Variants in CCDC170 observed in about 807,000 individuals in gnomAD.
CCDC170 encodes coiled-coil domain-containing protein 170.
Under a neutral mutation model 72.6 loss-of-function variants are expected in CCDC170, and 69 were observed. The ratio of observed to expected loss-of-function variants is 0.95; its 90% CI spans 0.78 to 1.16. The LOEUF (loss-of-function observed/expected upper bound fraction) is 1.16. Ranked by LOEUF, CCDC170 falls within the 50% of genes most tolerant of loss-of-function variation. The pLI is 0.00. For synonymous variants in CCDC170, 300 were observed against 303.9 expected, an observed-to-expected ratio of 0.99 and a Z score of 0.13; for missense variants, 852 against 832.5, an observed-to-expected ratio of 1.02 and a Z score of -0.29.
At chr6:151,535,220 T>C (rs977850209) in intron 1 of CCDC170, among the ~76,000 whole-genome samples, 8 of 152,236 alleles carry the variant, frequency 5.3e-5, no homozygotes, top group Non-Finnish European at 1.2e-4. Flanking sequence ...AGTCTGGATA[T>C]ATGACTTGTC....
At chr6:151,521,836 A>G (rs12055461) in intron 1 of CCDC170, among the ~76,000 whole-genome samples, 10,063 of 152,048 alleles carry the variant, frequency 0.066, 544 homozygotes, top group East Asian at 0.24. Flanking sequence ...ATACAAAAAA[A>G]TTAGCTGGGC....
intron 1 of CCDC170, among the ~76,000 whole-genome samples, chr6:151,497,084 T>C (rs1463217090): frequency 6.6e-6 from 1 of 152,228 alleles, no homozygotes; most frequent in East Asian, 1.9e-4. Flanking sequence ...GGACAGAGGA[T>C]ACAAAAATGA....
chr6:151,592,227 GCA>G, intron 7 of CCDC170, among the ~76,000 whole-genome samples: 1 of 152,248 alleles, frequency 6.6e-6, no homozygotes, highest in Non-Finnish European at 1.5e-5. Context: ...AGGCATGGTG[GCA>G]CGTGCCTGTA....
At chr6:151,515,582 G>A (rs1324760100) in intron 1 of CCDC170, among the ~76,000 whole-genome samples, 2 of 152,102 alleles carry the variant, frequency 1.3e-5, no homozygotes, top group South Asian at 2.1e-4. Context: ...TGTGCAGGTG[G>A]GAAGCCCAGG....
At chr6:151,615,375 T>C (rs1394224734) in intron 9 of CCDC170, 68 bp from the exon 10 acceptor site, 8 of 1,081,670 alleles carry the variant, frequency 7.4e-6, no homozygotes, top group Non-Finnish European at 1.1e-5. Context: ...GACTTCTGAT[T>C]TGTCATGTTT....
At position 151,580,434 on chromosome 6, in the gene CCDC170, A is replaced by T. The variant is rs187100431; in HGVS notation, c.1093-5455A>T. On this transcript the variant is annotated intron_variant, in intron 6 of 10. Coordinates refer to ENST00000239374, the MANE Select transcript of CCDC170 (RefSeq NM_025059.4). Reference sequence around the variant, plus strand: ...AGATTACATTATTTGTTATACCAAGATAAACACTGTTTCTCTTGCGTTAAG... The same window carrying T: ...AGATTACATTATTTGTTATACCAAGTTAAACACTGTTTCTCTTGCGTTAAG... Among the ~76,000 whole-genome samples, 6 of 152,228 alleles carry T rather than the reference A, an allele frequency of 3.9e-5. No individual in the cohort carries two copies. In the East Asian group the frequency reaches 1.2e-3, roughly 29 times the overall value.
chr6:151,515,518 G>C (rs1029562599), intron 1 of CCDC170, among the ~76,000 whole-genome samples: 1 of 152,156 alleles, frequency 6.6e-6, no homozygotes. Flanking sequence ...CCTGACCTCA[G>C]GTGATCTGCC....
At chr6:151,572,654 T>TTTTTTTTTTTTG in intron 5 of CCDC170, among the ~76,000 whole-genome samples, 1 of 29,638 alleles carries the variant, frequency 3.4e-5, no homozygotes, top group Admixed American at 5.3e-4. Context: ...TCTGTGTTTT[T>TTTTTTTTTTTTG]TTTTTTTTTT....
chr6:151,502,096 C>T (rs1782002016), intron 1 of CCDC170, among the ~76,000 whole-genome samples: 1 of 152,100 alleles, frequency 6.6e-6, no homozygotes, highest in African/African-American at 2.4e-5. Flanking sequence ...TCTACATGTT[C>T]AGATATTGCT....
At chr6:151,561,086 G>T (rs1400193490) in intron 5 of CCDC170, among the ~76,000 whole-genome samples, 2 of 151,296 alleles carry the variant, frequency 1.3e-5, no homozygotes, top group Admixed American at 1.3e-4. Flanking sequence ...AAATTGTGTG[G>T]GTACATAGTG....
At chr6:151,524,626 T>C (rs923073341) in intron 1 of CCDC170, among the ~76,000 whole-genome samples, 1 of 152,234 alleles carries the variant, frequency 6.6e-6, no homozygotes, top group African/African-American at 2.4e-5. Context: ...AATTAGAACA[T>C]TACAAATGAA....
chr6:151,534,091 G>C (rs1294186165), intron 1 of CCDC170, among the ~76,000 whole-genome samples: 1 of 145,954 alleles, frequency 6.9e-6, no homozygotes, highest in Non-Finnish European at 1.5e-5. Flanking sequence ...TTGAGACAGG[G>C]TTTTGCTCTG....
At chr6:151,611,738 TCTCA>T (rs1776875312) in intron 9 of CCDC170, among the ~76,000 whole-genome samples, 1 of 151,850 alleles carries the variant, frequency 6.6e-6, no homozygotes, top group African/African-American at 2.4e-5. Flanking sequence ...TGCGACGGAG[TCTCA>T]CTCTTGTCAC....
chr6:151,542,887 A>G (rs1782712545), intron 3 of CCDC170, among the ~76,000 whole-genome samples: 1 of 152,210 alleles, frequency 6.6e-6, no homozygotes, highest in African/African-American at 2.4e-5. Context: ...GAAGAGTTTT[A>G]CCTTTCATAT....
intron 1 of CCDC170, among the ~76,000 whole-genome samples, chr6:151,500,389 G>T (rs1459245475): frequency 6.6e-6 from 1 of 150,998 alleles, no homozygotes; most frequent in African/African-American, 2.4e-5. Flanking sequence ...GAAACAGAAG[G>T]AATAGGGAAA....
At chr6:151,615,828 A>G in intron 10 of CCDC170, 149 bp downstream of exon 10, 1 of 653,288 alleles carries the variant, frequency 1.5e-6, no homozygotes, top group East Asian at 2.7e-5. Context: ...GGGCCGTGCT[A>G]ATTTTCTCTG....
chr6:151,581,788 T>G (rs78492063), intron 6 of CCDC170, among the ~76,000 whole-genome samples: 1 of 152,242 alleles, frequency 6.6e-6, no homozygotes, highest in African/African-American at 2.4e-5. Flanking sequence ...GCTGTGTTAA[T>G]AGCTGTGAAG....
intron 9 of CCDC170, among the ~76,000 whole-genome samples, chr6:151,601,152 T>C (rs983314702): frequency 1.3e-5 from 2 of 152,190 alleles, no homozygotes; most frequent in African/African-American, 4.8e-5. Flanking sequence ...TTAAAGGCAC[T>C]TCTTACATGG....
At chr6:151,508,340 C>A (rs1031925461) in intron 1 of CCDC170, among the ~76,000 whole-genome samples, 4 of 152,006 alleles carry the variant, frequency 2.6e-5, no homozygotes, top group Admixed American at 2.6e-4. Context: ...GAGTTTGAGT[C>A]TAGCCTGGCC....
Sources: allele counts gnomAD v4.1 joint callset (sites outside exome capture counted in the v4.1 genomes callset), GRCh38; gene constraint gnomAD v4.1.1; transcripts MANE v1.5; gene names NCBI Gene and HGNC (gene_info 2026-07-23, HGNC 2026-07-21).